Variants in NPAS3 observed in about 807,000 individuals in gnomAD.
The protein encoded by NPAS3 is neuronal PAS domain-containing protein 3.
NPAS3 carries 14 observed loss-of-function variants against 73.1 expected under a neutral mutation model. That is an observed-to-expected ratio of 0.19 (90% CI 0.13 to 0.30). NPAS3 has a LOEUF of 0.30. NPAS3 is among the 10% of genes least tolerant of loss of function. NPAS3 has a pLI of 1.00. For missense variants in NPAS3, 1,096 were observed against 1,250.0 expected (o/e 0.88, Z 1.86); for synonymous variants, 620 against 541.5 (o/e 1.14, Z -2.01).
At chr14:33,438,852 A>C (rs1240353806) in intron 4 of NPAS3, among the ~76,000 whole-genome samples, 1 of 152,234 alleles carries the variant, frequency 6.6e-6, no homozygotes, top group Non-Finnish European at 1.5e-5. Context: ...GGGCACACCT[A>C]AAATAAATGC....
intron 4 of NPAS3, among the ~76,000 whole-genome samples, chr14:33,422,903 G>A (rs1274020247): frequency 6.6e-6 from 1 of 151,942 alleles, no homozygotes; most frequent in African/African-American, 2.4e-5. Context: ...AAATTCAGTT[G>A]AATGAATTTG....
chr14:33,509,556 T>A (rs991025037), intron 4 of NPAS3, among the ~76,000 whole-genome samples: 13 of 152,058 alleles, frequency 8.5e-5, no homozygotes, highest in African/African-American at 3.1e-4. Flanking sequence ...TATGTGGATT[T>A]TCTGACCTAG....
At chr14:33,572,174 G>A (rs961932979) in intron 5 of NPAS3, among the ~76,000 whole-genome samples, 1 of 152,080 alleles carries the variant, frequency 6.6e-6, no homozygotes, top group Non-Finnish European at 1.5e-5. Flanking sequence ...ACAATTCAGA[G>A]GTATTATTAT....
chr14:33,742,451 C>A (rs376242266), intron 7 of NPAS3, among the ~76,000 whole-genome samples: 2 of 152,330 alleles, frequency 1.3e-5, no homozygotes, highest in African/African-American at 4.8e-5. Flanking sequence ...ATACTGTAGT[C>A]TATTAAGTGT....
At position 33,235,805 on chromosome 14, in the gene NPAS3, C is replaced by CTTTTTTT. The variant is rs35968798; in HGVS notation, c.385+20397_385+20403dup. 9.6e-4 allele frequency among the ~76,000 whole-genome samples: 77 copies of CTTTTTTT among 80,618 alleles called. 5 individuals carry two copies. Among genetic ancestry groups the CTTTTTTT allele is most frequent in the East Asian group, 1.3e-3 (3 of 2,330 alleles). The allele number at this position is 80,618 out of a possible 152,430, so 52.9% of individuals were successfully genotyped here. A position where few individuals can be genotyped will look rare whatever the true frequency, so the allele number is the denominator to read the frequency against. ...GACTAAAAGTTCTGTTGATACAATT[C>CTTTTTTT]TTTTTTTTTTTTTTTTTTTTTTTTG... On this transcript the variant is annotated intron_variant, in intron 3 of 11. Transcript: ENST00000356141.
At chr14:33,333,800 C>T (rs2044093568) in intron 3 of NPAS3, among the ~76,000 whole-genome samples, 1 of 152,134 alleles carries the variant, frequency 6.6e-6, no homozygotes, top group Admixed American at 6.6e-5. Flanking sequence ...AACTAATTCC[C>T]ACTTATAAAC....
intron 3 of NPAS3, among the ~76,000 whole-genome samples, chr14:33,347,588 T>A (rs1334582831): frequency 2.6e-5 from 4 of 152,198 alleles, no homozygotes; most frequent in African/African-American, 9.6e-5. Context: ...TGACAGGTAG[T>A]CGGAGCCCAG....
intron 3 of NPAS3, among the ~76,000 whole-genome samples, chr14:33,263,420 A>G (rs1434061155): frequency 6.6e-6 from 1 of 152,178 alleles, no homozygotes; most frequent in Non-Finnish European, 1.5e-5. Flanking sequence ...GTCAAAGATC[A>G]GATAGTTGTA....
intron 5 of NPAS3, among the ~76,000 whole-genome samples, chr14:33,670,995 T>C (rs906148527): frequency 2.0e-5 from 3 of 151,462 alleles, no homozygotes; most frequent in Non-Finnish European, 4.4e-5. Flanking sequence ...AATGACCCTT[T>C]CTATTGATAA....
At chr14:33,402,208 A>G (rs1277829246) in intron 4 of NPAS3, among the ~76,000 whole-genome samples, 2 of 151,944 alleles carry the variant, frequency 1.3e-5, no homozygotes, top group Non-Finnish European at 2.9e-5. Flanking sequence ...CAAAAGCAAC[A>G]TTTGCTCAGT....
chr14:33,249,290 A>G (rs2048493939), intron 3 of NPAS3, among the ~76,000 whole-genome samples: 1 of 151,926 alleles, frequency 6.6e-6, no homozygotes, highest in Non-Finnish European at 1.5e-5. Context: ...ACTGAAGAAC[A>G]TAGTATTCTT....
chr14:33,393,350 G>A (rs1315824304), intron 4 of NPAS3, among the ~76,000 whole-genome samples: 1 of 152,152 alleles, frequency 6.6e-6, no homozygotes, highest in Non-Finnish European at 1.5e-5. Flanking sequence ...ACAAAAACAG[G>A]TGCCACTGAT....
In NPAS3 at chr14:32,985,057, T is replaced by G. The variant is rs1331798442; in HGVS notation, c.50+45691T>G. Among the ~76,000 whole-genome samples the G allele has an allele frequency of 2.0e-5, 3 of 152,224 alleles. No homozygotes were observed. In the East Asian group the frequency reaches 5.8e-4, roughly 29 times the overall value. On this transcript the variant is annotated intron_variant, in intron 1 of 11. Transcript: ENST00000356141. ...CCAAATTATATGTATTCTTTCATACTGGGAGTTCTTTAAATTGTGGTAATG... is the reference window on the plus strand; with the variant it reads ...CCAAATTATATGTATTCTTTCATACGGGGAGTTCTTTAAATTGTGGTAATG...
chr14:33,493,928 G>A (rs940167252), intron 4 of NPAS3, among the ~76,000 whole-genome samples: 1 of 152,114 alleles, frequency 6.6e-6, no homozygotes, highest in African/African-American at 2.4e-5. Flanking sequence ...AATTTTAAAT[G>A]ACTGGGTTTT....
At chr14:33,220,821 C>A (rs2047396751) in intron 3 of NPAS3, among the ~76,000 whole-genome samples, 1 of 152,190 alleles carries the variant, frequency 6.6e-6, no homozygotes, top group Non-Finnish European at 1.5e-5. Flanking sequence ...TGGCTTGTCA[C>A]TATTGTTTTC....
At chr14:33,189,523 G>C (rs2139495666) in intron 2 of NPAS3, among the ~76,000 whole-genome samples, 2 of 152,286 alleles carry the variant, frequency 1.3e-5, no homozygotes, top group South Asian at 4.1e-4. Context: ...AATTATTGTT[G>C]TGTAGCTTCA....
intron 2 of NPAS3, among the ~76,000 whole-genome samples, chr14:33,087,716 T>G (rs1302954121): frequency 6.6e-6 from 1 of 152,124 alleles, no homozygotes; most frequent in African/African-American, 2.4e-5. Flanking sequence ...AAATATACTC[T>G]TCAAGCAAAG....
intron 3 of NPAS3, among the ~76,000 whole-genome samples, chr14:33,308,510 T>TTATATATATATATATATATATATATATA (rs67518761): frequency 6.0e-5 from 5 of 83,526 alleles, no homozygotes; most frequent in African/African-American, 1.2e-4. Flanking sequence ...ATTGCATAGT[T>TTATATATATATATATATATATATATATA]TATATATATA....
chr14:33,615,851 T>C (rs2057899639), intron 5 of NPAS3, among the ~76,000 whole-genome samples: 1 of 152,180 alleles, frequency 6.6e-6, no homozygotes, highest in African/African-American at 2.4e-5. Context: ...TACTAGATTA[T>C]GGTCTTTAAA....
Sources: allele counts gnomAD v4.1 joint callset (sites outside exome capture counted in the v4.1 genomes callset), GRCh38; gene constraint gnomAD v4.1.1; transcripts MANE v1.5; gene names NCBI Gene and HGNC (gene_info 2026-07-23, HGNC 2026-07-21).